The following FSHR variants were observed in gnomAD, a reference collection of about 807,000 sequenced individuals.
The protein encoded by FSHR is follicle stimulating hormone receptor, also known as follicle-stimulating hormone receptor.
In FSHR, 46 loss-of-function variants were observed where a neutral mutation model predicts 52.1. That is an observed-to-expected ratio of 0.88 (90% confidence interval 0.70 to 1.13). The LOEUF is 1.13. Among genes scored for constraint, FSHR ranks in the 50% most tolerant of loss-of-function variants. The probability of loss-of-function intolerance (pLI) is 0.00; values close to 1 mark genes in which losing one functional copy is unlikely to be tolerated. For synonymous variants in FSHR, 399 were observed against 309.6 expected (o/e 1.29, Z -3.03); for missense variants, 964 against 834.6 (o/e 1.16, Z -1.91).
intron 8 of FSHR, among the ~76,000 whole-genome samples, chr2:48,969,909 T>C (rs1243806124): frequency 2.0e-5 from 3 of 152,188 alleles, no homozygotes; most frequent in African/African-American, 7.2e-5. Context: ...TGGCACCAGC[T>C]TGGACCTGGT....
chr2:48,988,857 T>A (rs1159570189), intron 6 of FSHR, 120 bp downstream of exon 6: 5 of 758,314 alleles, frequency 6.6e-6, no homozygotes. Flanking sequence ...AACTGGAGAG[T>A]GATTTAAGTG....
intron 3 of FSHR, 104 bp downstream of exon 3, chr2:49,019,982 G>A: frequency 1.1e-6 from 1 of 945,572 alleles, no homozygotes; most frequent in South Asian, 1.3e-5. Context: ...GACAATCTAG[G>A]GATCTGAGGC....
At chr2:48,991,178 A>G (rs889189832) in intron 4 of FSHR, among the ~76,000 whole-genome samples, 3 of 152,088 alleles carry the variant, frequency 2.0e-5, no homozygotes, top group African/African-American at 4.8e-5. Flanking sequence ...ATAAATTTCT[A>G]TAGCTGAAAA....
intron 1 of FSHR, among the ~76,000 whole-genome samples, chr2:49,144,429 G>A (rs1202390230): frequency 6.6e-6 from 1 of 152,090 alleles, no homozygotes; most frequent in African/African-American, 2.4e-5. Context: ...TTGGGGGAAT[G>A]AGATGCCATT....
intron 2 of FSHR, among the ~76,000 whole-genome samples, chr2:49,035,846 G>C (rs1311038059): frequency 6.6e-6 from 1 of 152,212 alleles, no homozygotes; most frequent in East Asian, 1.9e-4. Flanking sequence ...AGCACTCTGA[G>C]AAGCCAGTAG....
chr2:48,975,336 G>C (rs1183818330), intron 8 of FSHR, among the ~76,000 whole-genome samples: 1 of 151,538 alleles, frequency 6.6e-6, no homozygotes, highest in East Asian at 1.9e-4. Flanking sequence ...TTCAGACTCA[G>C]AGTTATACCA....
At chr2:49,113,598 C>G (rs1217782728) in intron 1 of FSHR, among the ~76,000 whole-genome samples, 1 of 152,256 alleles carries the variant, frequency 6.6e-6, no homozygotes, top group East Asian at 1.9e-4. Context: ...GCATTTTTCT[C>G]TTTTACTTTA....
chr2:49,012,087 T>C (rs1441096751), intron 4 of FSHR, among the ~76,000 whole-genome samples: 1 of 151,942 alleles, frequency 6.6e-6, no homozygotes, highest in African/African-American at 2.4e-5. Flanking sequence ...GAGTGGAAGA[T>C]GGTTGTCAGT....
chr2:48,963,006 G>A lies in FSHR; in HGVS notation c.1815C>T (p.Ser605=). 1 of 1,614,108 alleles carries A rather than the reference G, an allele frequency of 6.2e-7. No homozygotes were observed. ...ACAGAACCAGCAGAATCTTTGCTTT[G>A]GACACAGTGATGAGGGGCACCTTGA... ...ASLKVPLITV[S]KAKILLVLFH... Residue 605 remains serine (S), a synonymous_variant, in exon 10 of 10, where the codon TCC becomes TCT. Coordinates refer to ENST00000406846, the MANE Select transcript of FSHR (RefSeq NM_000145.4).
chr2:49,095,353 G>A (rs757324587), intron 1 of FSHR, among the ~76,000 whole-genome samples: 3 of 152,050 alleles, frequency 2.0e-5, no homozygotes, highest in Non-Finnish European at 4.4e-5. Context: ...TTTTGACAAG[G>A]GTGATGACAT....
chr2:48,974,290 T>A (rs1442771384), intron 8 of FSHR, among the ~76,000 whole-genome samples: 1 of 152,220 alleles, frequency 6.6e-6, no homozygotes, highest in Non-Finnish European at 1.5e-5. Flanking sequence ...TTGACTTGAA[T>A]GCAATCCAGT....
chr2:49,127,830 C>CTCTTCTTCT (rs869083755), intron 1 of FSHR, among the ~76,000 whole-genome samples: 4 of 21,046 alleles, frequency 1.9e-4, no homozygotes, highest in African/African-American at 2.3e-4. Flanking sequence ...CTTCTTCTTC[C>CTCTTCTTCT]TCTTCTTCTT....
intron 1 of FSHR, among the ~76,000 whole-genome samples, chr2:49,138,906 C>T (rs560334427): frequency 3.3e-5 from 5 of 152,008 alleles, no homozygotes; most frequent in East Asian, 1.9e-4. Flanking sequence ...AATTCTAATG[C>T]TCGTAATTTC....
intron 8 of FSHR, among the ~76,000 whole-genome samples, chr2:48,977,200 A>T (rs1224410426): frequency 6.6e-6 from 1 of 152,176 alleles, no homozygotes; most frequent in African/African-American, 2.4e-5. Context: ...AGATAGGCTT[A>T]GAGAGAGGCC....
At chr2:49,056,285 T>C (rs983686617) in intron 2 of FSHR, among the ~76,000 whole-genome samples, 32 of 151,542 alleles carry the variant, frequency 2.1e-4, no homozygotes, top group African/African-American at 6.3e-4. Flanking sequence ...ATTGAAAGGA[T>C]TGAAAAAAGA....
At chr2:49,061,844 AAATATAAATAT>A (rs1202040838) in intron 2 of FSHR, among the ~76,000 whole-genome samples, 5 of 118,632 alleles carry the variant, frequency 4.2e-5, no homozygotes, top group South Asian at 3.0e-4. Flanking sequence ...ATATAAATAT[AAATATAAATAT>A]AATATATTTA....
At chr2:49,117,878 C>T (rs1024916801) in intron 1 of FSHR, among the ~76,000 whole-genome samples, 1 of 152,142 alleles carries the variant, frequency 6.6e-6, no homozygotes, top group Non-Finnish European at 1.5e-5. Flanking sequence ...GACAGTGATG[C>T]TCACCCATTG....
chr2:49,122,809 G>A (rs1671865300), intron 1 of FSHR, among the ~76,000 whole-genome samples: 1 of 152,156 alleles, frequency 6.6e-6, no homozygotes, highest in Non-Finnish European at 1.5e-5. Context: ...CAGGATCTTG[G>A]GTTCCATTCT....
intron 4 of FSHR, among the ~76,000 whole-genome samples, chr2:49,005,512 C>T (rs1667047172): frequency 6.6e-6 from 1 of 152,098 alleles, no homozygotes; most frequent in South Asian, 2.1e-4. Flanking sequence ...AATGATAGTC[C>T]TGCATAAGAT....
Sources: gnomAD v4.1 joint callset for allele counts (sites outside exome capture counted in the v4.1 genomes callset) on GRCh38, gnomAD v4.1.1 for gene constraint, MANE v1.5 for transcripts, NCBI Gene and HGNC (gene_info 2026-07-23, HGNC 2026-07-21) for gene names.